GPSM2: variants seen among roughly 807,000 people sequenced by gnomAD.
GPSM2 encodes G protein signaling modulator 2, also known as G protein-signaling modulator 2.
In GPSM2, 58 loss-of-function variants were observed where a neutral mutation model predicts 78.4. That is an observed-to-expected ratio of 0.74 (90% CI 0.60 to 0.92). GPSM2 has a LOEUF of 0.92. Ranked by LOEUF, GPSM2 falls within the 40% of genes least tolerant of loss-of-function variation. The probability of loss-of-function intolerance (pLI) is 0.00; values close to 1 mark genes in which losing one functional copy is unlikely to be tolerated. For missense variants in GPSM2, 700 were observed against 815.5 expected (o/e 0.86, Z 1.73); for synonymous variants, 224 against 280.2 (o/e 0.80, Z 2.00).
At chr1:108,903,320 T>C (rs1195090162) in intron 9 of GPSM2, 86 bp downstream of exon 9, 2 of 737,050 alleles carry the variant, frequency 2.7e-6, no homozygotes, top group Non-Finnish European at 4.8e-6. Flanking sequence ...TCTAGATTGA[T>C]CATGTGGCTG....
At chr1:108,929,452 C>T (rs1651503141) in intron 14 of GPSM2, 2 of 519,294 alleles carry the variant, frequency 3.9e-6, no homozygotes, top group Non-Finnish European at 6.9e-6. Context: ...CGTACTAAAC[C>T]AATGAAGCAG....
At chr1:108,926,752 T>G (rs932478040) in intron 14 of GPSM2, 1 of 152,144 alleles carries the variant, frequency 6.6e-6, no homozygotes, top group African/African-American at 2.4e-5. Flanking sequence ...ATATGAAACA[T>G]GTACCGCTGA....
Position 108,910,427 on chromosome 1 carries a change from A to G in GPSM2, c.1193-3911A>G, listed in dbSNP as rs917927430. ...TGAATAAGTGGACATACTTTTATCAATCTTTCTGAGAACCATAACCTTGAT... is the reference window on the plus strand; with the variant it reads ...TGAATAAGTGGACATACTTTTATCAGTCTTTCTGAGAACCATAACCTTGAT... On this transcript the variant is annotated intron_variant, in intron 10 of 14. Coordinates refer to ENST00000264126, the MANE Select transcript of GPSM2 (RefSeq NM_013296.5). Among the ~76,000 whole-genome samples, 8 of 152,184 alleles carry G rather than the reference A, an allele frequency of 5.3e-5. No individual in the cohort carries two copies. The East Asian group carries it at 5.8e-4, about 11-fold the overall frequency.
chr1:108,913,734 ATTTC>A (rs1174515808), intron 10 of GPSM2, among the ~76,000 whole-genome samples: 1 of 152,172 alleles, frequency 6.6e-6, no homozygotes, highest in Non-Finnish European at 1.5e-5. Context: ...GGTATTAGGT[ATTTC>A]TTATGCCTTT....
At position 108,931,627 on chromosome 1, in the gene GPSM2, C is replaced by CA; in HGVS notation, c.*1687_*1688insA. The CA allele has an allele frequency of 5.9e-6, 6 of 1,011,680 alleles. No homozygotes were observed. Among genetic ancestry groups the CA allele is most frequent in the Non-Finnish European group, 7.6e-6 (6 of 786,356 alleles). The allele number at this position is 1,011,680 out of a possible 1,614,324, so 62.7% of individuals were successfully genotyped here. ...GGAATTAATTACATTAAGTGCTCAG[C>CA]TAAAAAAAAAAAAAAAGTTCTAAAT... On this transcript the variant is annotated 3_prime_UTR_variant, in exon 15 of 15. Transcript: ENST00000264126.
intron 1 of GPSM2, among the ~76,000 whole-genome samples, chr1:108,883,023 G>C (rs953933091): frequency 3.9e-5 from 6 of 152,060 alleles, no homozygotes; most frequent in African/African-American, 1.4e-4. Flanking sequence ...ATTGTGATGT[G>C]AATAGCCACT....
chr1:108,923,920 A>C, intron 13 of GPSM2, 80 bp from the exon 14 acceptor site: 3 of 959,066 alleles, frequency 3.1e-6, no homozygotes, highest in Non-Finnish European at 5.1e-6. Context: ...AGATCTAGGT[A>C]TATAATAAAT....
chr1:108,881,192 T>C (rs1338024433), intron 1 of GPSM2, among the ~76,000 whole-genome samples: 1 of 152,230 alleles, frequency 6.6e-6, no homozygotes, highest in Non-Finnish European at 1.5e-5. Flanking sequence ...GCCTTTTCTT[T>C]ATGGTTAGAT....
chr1:108,922,441 G>C lies in GPSM2; in HGVS notation c.1465G>C (p.Asp489His). ...QRKISADTIGDEGFFDLLSRF... is the reference protein window; with the variant it reads ...QRKISADTIGHEGFFDLLSRF... Reference sequence around the variant, plus strand: ...GAAAATCAGTGCAGATACTATTGGAGATGAAGGGTTCTTTGACTTATTAAG... The same window carrying C: ...GAAAATCAGTGCAGATACTATTGGACATGAAGGGTTCTTTGACTTATTAAG... The change falls in exon 13 of 15, where the codon GAT becomes CAT. Residue 489 changes from aspartate (D) to histidine (H), a missense_variant. By Grantham distance (81) the Asp-to-His change is moderately conservative. Transcript: ENST00000264126. The C allele has an allele frequency of 8.1e-6, 13 of 1,611,354 alleles. No individual in the cohort carries two copies. Among genetic ancestry groups the C allele is most frequent in the Non-Finnish European group, 1.0e-5 (12 of 1,177,620 alleles).
chr1:108,892,605 T>C lies in GPSM2; in HGVS notation c.57-4259T>C, dbSNP rs1462711795. Among the ~76,000 whole-genome samples, 3 of 152,340 alleles carry C rather than the reference T, an allele frequency of 2.0e-5. No homozygotes were observed. In the East Asian group the frequency reaches 5.8e-4, roughly 29 times the overall value. On this transcript the variant is annotated intron_variant, in intron 2 of 14. Coordinates refer to ENST00000264126, the MANE Select transcript of GPSM2 (RefSeq NM_013296.5). ...ACTTTGTATGTGGGATGAATTTTAA[T>C]GGAGGGGTATGTTCTTGGTTTTTCT...
chr1:108,921,688 A>G (rs566565993), intron 12 of GPSM2, among the ~76,000 whole-genome samples: 1 of 152,256 alleles, frequency 6.6e-6, no homozygotes, highest in South Asian at 2.1e-4. Flanking sequence ...TGGATTGCAT[A>G]TTAACCAGTA....
At chr1:108,897,735 A>G in intron 4 of GPSM2, 108 bp downstream of exon 4, 1 of 1,110,156 alleles carries the variant, frequency 9.0e-7, no homozygotes, top group Non-Finnish European at 1.3e-6. Flanking sequence ...ATACCAAAAA[A>G]GAAAACATTT....
intron 10 of GPSM2, among the ~76,000 whole-genome samples, chr1:108,911,091 C>G (rs898121907): frequency 6.6e-6 from 1 of 150,530 alleles, no homozygotes; most frequent in Admixed American, 6.6e-5. Context: ...ACACTACTTG[C>G]AAGAGAAATA....
chr1:108,896,831 A>G, intron 2 of GPSM2, 33 bp from the exon 3 acceptor site: 2 of 1,439,370 alleles, frequency 1.4e-6, no homozygotes, highest in Non-Finnish European at 2.0e-6. Context: ...CTGTAATGTT[A>G]TGTTTAAATG....
chr1:108,917,625 T>C (rs1288122529), intron 11 of GPSM2, among the ~76,000 whole-genome samples: 373 of 11,302 alleles, frequency 0.033, 8 homozygotes, highest in African/African-American at 0.059. Flanking sequence ...TATATATATA[T>C]ATATATATAT....
At chr1:108,893,677 T>G (rs1303941299) in intron 2 of GPSM2, among the ~76,000 whole-genome samples, 2 of 152,234 alleles carry the variant, frequency 1.3e-5, no homozygotes, top group African/African-American at 4.8e-5. Flanking sequence ...AAATAATATT[T>G]CTTAGAAATT....
chr1:108,918,509 A>T (rs3754456), intron 11 of GPSM2, 104 bp from the exon 12 acceptor site: 1 of 827,788 alleles, frequency 1.2e-6, no homozygotes, highest in Non-Finnish European at 2.1e-6. Context: ...TCTCTCCCCC[A>T]ATAGTAAATA....
chr1:108,911,180 G>A (rs1649711375), intron 10 of GPSM2, among the ~76,000 whole-genome samples: 1 of 152,162 alleles, frequency 6.6e-6, no homozygotes, highest in Non-Finnish European at 1.5e-5. Flanking sequence ...AAGACAGTCA[G>A]TATAGCTATG....
intron 10 of GPSM2, among the ~76,000 whole-genome samples, chr1:108,911,409 C>T (rs951141960): frequency 9.2e-5 from 14 of 152,034 alleles, no homozygotes; most frequent in African/African-American, 3.4e-4. Flanking sequence ...GCCCTGTAAT[C>T]CCATCTACTC....
Sources: allele counts gnomAD v4.1 joint callset (sites outside exome capture counted in the v4.1 genomes callset), GRCh38; gene constraint gnomAD v4.1.1; transcripts MANE v1.5; gene names NCBI Gene and HGNC (gene_info 2026-07-23, HGNC 2026-07-21).